Variants in CDH6 observed in about 807,000 individuals in gnomAD.
The protein encoded by CDH6 is cadherin-6.
CDH6 carries 31 observed loss-of-function variants against 78.0 expected under a neutral mutation model. That is an observed-to-expected ratio of 0.40 (90% CI 0.30 to 0.54). The LOEUF is 0.54. CDH6 is among the 20% of genes least tolerant of loss of function. The pLI, the probability that CDH6 is intolerant of heterozygous loss-of-function variation, is 0.56. For synonymous variants in CDH6, 376 were observed against 368.8 expected (o/e 1.02, Z -0.23); for missense variants, 724 against 975.9 (o/e 0.74, Z 3.44).
At chr5:31,301,172 A>C (rs1338526747) in intron 5 of CDH6, among the ~76,000 whole-genome samples, 1 of 152,134 alleles carries the variant, frequency 6.6e-6, no homozygotes, top group Non-Finnish European at 1.5e-5. Context: ...AAAGTTTAAA[A>C]ATTTTTTTAA....
chr5:31,212,128 C>T (rs1740725889), intron 1 of CDH6, among the ~76,000 whole-genome samples: 1 of 152,094 alleles, frequency 6.6e-6, no homozygotes, highest in Non-Finnish European at 1.5e-5. Flanking sequence ...GCAGTTTCCA[C>T]CAATAAAATG....
At chr5:31,227,834 G>T (rs1442965330) in intron 1 of CDH6, among the ~76,000 whole-genome samples, 1 of 152,150 alleles carries the variant, frequency 6.6e-6, no homozygotes, top group Non-Finnish European at 1.5e-5. Context: ...CTAAACAAAC[G>T]AAGCTTAAGA....
Position 31,313,360 on chromosome 5 carries a change from C to T in CDH6, c.1296C>T (p.Asn432=), listed in dbSNP as rs746694742. The T allele has an allele frequency of 6.2e-7, 1 of 1,612,942 alleles. No individual in the cohort carries two copies. Among genetic ancestry groups the T allele is most frequent in the Admixed American group, 1.7e-5 (1 of 60,026 alleles). ...DRHTDMDRIF[N]IDSGNGSIFT... ...ACACAGATATGGACAGAATATTCAA[C>T]ATTGATTCTGGAAATGGTTCGATTT... Residue 432 remains asparagine, a synonymous_variant, in exon 8 of 12, where the codon AAC becomes AAT. Transcript: ENST00000265071.
At position 31,302,788 on chromosome 5, in the gene CDH6, GAGAGAGAGAGAGAA is replaced by G. The variant is rs1246293200; in HGVS notation, c.999+494_999+507del. Among the ~76,000 whole-genome samples, 739 of 78,930 alleles carry G rather than the reference GAGAGAGAGAGAGAA, an allele frequency of 9.4e-3. 15 individuals carry two copies. Among genetic ancestry groups the G allele is most frequent in the African/African-American group, 0.033 (641 of 19,424 alleles). The allele number at this position is 78,930 out of a possible 152,430, so 51.8% of individuals were successfully genotyped here. ...AAGAAAGAAAGAAGAAAGAGAGAGA[GAGAGAGAGAGAGAA>G]AGAAAGAAAGAAAGAAAGAAAGAAA... On this transcript the variant is annotated intron_variant, in intron 6 of 11. Coordinates refer to ENST00000265071, the MANE Select transcript of CDH6 (RefSeq NM_004932.4).
At chr5:31,302,948 A>AAAG (rs1561066511) in intron 6 of CDH6, among the ~76,000 whole-genome samples, 10 of 131,580 alleles carry the variant, frequency 7.6e-5, no homozygotes, top group Non-Finnish European at 1.4e-4. Context: ...AGAAAGAAAG[A>AAAG]AAGAAAGAAG....
At chr5:31,256,693 T>A (rs1037553013) in intron 1 of CDH6, among the ~76,000 whole-genome samples, 5 of 152,180 alleles carry the variant, frequency 3.3e-5, no homozygotes, top group Admixed American at 1.3e-4. Flanking sequence ...GTGCCTCCCC[T>A]GAGACCCCAA....
chr5:31,302,694 CAG>C (rs1284191334), intron 6 of CDH6, among the ~76,000 whole-genome samples: 1 of 95,320 alleles, frequency 1.0e-5, no homozygotes, highest in Non-Finnish European at 2.0e-5. Flanking sequence ...GCCTAGGTGA[CAG>C]AGTGAGACTC....
chr5:31,247,191 T>G (rs1741775347), intron 1 of CDH6, among the ~76,000 whole-genome samples: 1 of 152,196 alleles, frequency 6.6e-6, no homozygotes, highest in South Asian at 2.1e-4. Flanking sequence ...GAGTTATCAA[T>G]TCACCAAATC....
intron 1 of CDH6, among the ~76,000 whole-genome samples, chr5:31,199,152 G>A (rs1442865715): frequency 6.6e-6 from 1 of 151,808 alleles, no homozygotes; most frequent in African/African-American, 2.4e-5. Context: ...GTGTGATATA[G>A]CATGATGAAA....
chr5:31,261,100 A>T (rs903678050), intron 1 of CDH6, among the ~76,000 whole-genome samples: 2 of 151,940 alleles, frequency 1.3e-5, no homozygotes, highest in African/African-American at 4.8e-5. Flanking sequence ...TTTTTTTAAG[A>T]TGTACTTGTA....
chr5:31,200,733 G>A (rs1157211711), intron 1 of CDH6, among the ~76,000 whole-genome samples: 1 of 151,708 alleles, frequency 6.6e-6, no homozygotes, highest in East Asian at 1.9e-4. Flanking sequence ...GAGAGAGGGA[G>A]GAAGGGAGGG....
intron 1 of CDH6, among the ~76,000 whole-genome samples, chr5:31,252,921 G>A (rs1316520255): frequency 1.3e-5 from 2 of 152,148 alleles, no homozygotes; most frequent in Admixed American, 6.5e-5. Flanking sequence ...TTTATTTCCT[G>A]ATAATGTAGC....
chr5:31,265,311 T>G (rs749696637), intron 1 of CDH6, among the ~76,000 whole-genome samples: 8 of 152,198 alleles, frequency 5.3e-5, no homozygotes, highest in Non-Finnish European at 8.8e-5. Context: ...CAAGGCTGCA[T>G]TATGACAAGT....
intron 2 of CDH6, among the ~76,000 whole-genome samples, chr5:31,287,167 G>A (rs994302025): frequency 1.3e-5 from 2 of 152,128 alleles, no homozygotes; most frequent in East Asian, 1.9e-4. Flanking sequence ...TCCATGAAAA[G>A]AGATAGAGGA....
At chr5:31,315,123 A>C (rs550669418) in intron 8 of CDH6, among the ~76,000 whole-genome samples, 1 of 152,290 alleles carries the variant, frequency 6.6e-6, no homozygotes, top group South Asian at 2.1e-4. Flanking sequence ...TGGGCAAATG[A>C]TATCTCATCA....
chr5:31,284,298 T>C (rs1252478575), intron 2 of CDH6, among the ~76,000 whole-genome samples: 1 of 152,192 alleles, frequency 6.6e-6, no homozygotes, highest in Non-Finnish European at 1.5e-5. Flanking sequence ...AATTGGCCCT[T>C]CCATCTACTG....
intron 1 of CDH6, among the ~76,000 whole-genome samples, chr5:31,221,504 C>CT (rs34147211): frequency 6.6e-6 from 1 of 152,122 alleles, no homozygotes; most frequent in African/African-American, 2.4e-5. Context: ...AAGATTTTAT[C>CT]TTTTTTTCAA....
In CDH6 at chr5:31,299,646, T is replaced by A; in HGVS notation, c.811+15T>A. ...ATTCCCCCAGAGTAGGAACATTTGA[T>A]TGAATGAATTTCTTCAATGTGCTTT... On this transcript the variant is annotated intron_variant, in intron 5 of 11. Coordinates refer to ENST00000265071, the MANE Select transcript of CDH6 (RefSeq NM_004932.4). 1 of 1,591,288 alleles carries A rather than the reference T, an allele frequency of 6.3e-7. No homozygotes were observed. Among genetic ancestry groups the A allele is most frequent in the Non-Finnish European group, 8.6e-7 (1 of 1,161,706 alleles).
intron 1 of CDH6, among the ~76,000 whole-genome samples, chr5:31,264,846 G>C (rs56795299): frequency 0.039 from 5,990 of 152,252 alleles, 332 homozygotes; most frequent in South Asian, 0.15. Context: ...CTAAGAAAAA[G>C]AATGAAATAC....
Sources: gnomAD v4.1 joint callset for allele counts (sites outside exome capture counted in the v4.1 genomes callset) on GRCh38, gnomAD v4.1.1 for gene constraint, MANE v1.5 for transcripts, NCBI Gene and HGNC (gene_info 2026-07-23, HGNC 2026-07-21) for gene names.